Variants in HS2ST1 observed in about 807,000 individuals in gnomAD.
HS2ST1 encodes 2-O-sulfotransferase.
A neutral mutation model predicts 42.9 loss-of-function variants in HS2ST1; 18 were observed. That is an observed-to-expected ratio of 0.42 (90% CI 0.29 to 0.62). HS2ST1 has a LOEUF of 0.62. Among genes scored for constraint, HS2ST1 ranks in the 20% least tolerant of loss-of-function variants. The pLI is 0.21. For synonymous variants in HS2ST1, 146 were observed against 152.9 expected, an observed-to-expected ratio of 0.95 and a Z score of 0.33; for missense variants, 334 against 433.8, an observed-to-expected ratio of 0.77 and a Z score of 2.04.
At position 87,104,861 on chromosome 1, in the gene HS2ST1, A is replaced by C; in HGVS notation, c.*165A>C. 1.8e-6 allele frequency: 1 copy of C among 557,924 alleles called. No homozygotes were observed. The highest frequency in any genetic ancestry group is 3.2e-6 in the Non-Finnish European group (1 of 315,706). 34.6% of individuals were successfully genotyped at this position (557,924 alleles called of 1,614,324 possible). A position where few individuals can be genotyped will look rare whatever the true frequency, so the allele number is the denominator to read the frequency against. On this transcript the variant is annotated 3_prime_UTR_variant, in exon 7 of 7. Transcript: ENST00000370550. ...GTCAAGGAAGTAGATACTGGCTGGC[A>C]TTGTCAGTGTTCTAAGTTTCAGGCA...
At chr1:87,083,519 A>G (rs1398522822) in intron 2 of HS2ST1, among the ~76,000 whole-genome samples, 1 of 152,200 alleles carries the variant, frequency 6.6e-6, no homozygotes, top group Middle Eastern at 3.2e-3. Context: ...ATCAAATTCT[A>G]TATTAACCAG....
intron 1 of HS2ST1, among the ~76,000 whole-genome samples, chr1:86,986,407 G>A (rs994012540): frequency 1.3e-5 from 2 of 152,082 alleles, no homozygotes; most frequent in African/African-American, 4.8e-5. Flanking sequence ...CCAGTCTTCC[G>A]ATTCTCTCAC....
intron 2 of HS2ST1, 46 bp from the exon 3 acceptor site, chr1:87,084,148 T>A: frequency 1.6e-6 from 2 of 1,234,440 alleles, no homozygotes; most frequent in Non-Finnish European, 2.3e-6. Flanking sequence ...TCATCAAATT[T>A]CATTTTCTTT....
In HS2ST1 at chr1:86,964,203, A is replaced by T. The variant is rs1422330118; in HGVS notation, c.124+49043A>T. Among the ~76,000 whole-genome samples the T allele has an allele frequency of 2.1e-3, 318 of 150,642 alleles. 11 individuals carry two copies. The highest frequency in any genetic ancestry group is 0.021 in the Admixed American group (317 of 15,184). ...CTCACTTCCCAGACGATGGGCGGCC[A>T]GGCAAAGACACTCCTCACTTCCCAG... On this transcript the variant is annotated intron_variant, in intron 1 of 6. Coordinates refer to ENST00000370550, the MANE Select transcript of HS2ST1 (RefSeq NM_012262.4).
intron 1 of HS2ST1, among the ~76,000 whole-genome samples, chr1:87,009,632 G>A (rs1363719240): frequency 6.6e-6 from 1 of 152,138 alleles, no homozygotes; most frequent in Non-Finnish European, 1.5e-5. Context: ...ATTTGTTCTC[G>A]TTTACTGTGT....
chr1:86,966,691 A>G (rs887268354), intron 1 of HS2ST1, among the ~76,000 whole-genome samples: 1 of 152,234 alleles, frequency 6.6e-6, no homozygotes, highest in African/African-American at 2.4e-5. Context: ...GATCCTAACC[A>G]TTGAAACCTC....
chr1:87,020,951 G>A (rs1285539985), intron 1 of HS2ST1, among the ~76,000 whole-genome samples: 5 of 152,052 alleles, frequency 3.3e-5, no homozygotes, highest in Non-Finnish European at 7.4e-5. Context: ...CATTCTATAG[G>A]TACATCAGTT....
intron 1 of HS2ST1, among the ~76,000 whole-genome samples, chr1:87,033,630 G>A (rs1050516724): frequency 6.6e-6 from 1 of 152,024 alleles, no homozygotes; most frequent in Non-Finnish European, 1.5e-5. Context: ...TGCAACCTCC[G>A]CCTTCCGGGT....
At chr1:87,051,061 T>C (rs1456631776) in intron 1 of HS2ST1, among the ~76,000 whole-genome samples, 3 of 152,296 alleles carry the variant, frequency 2.0e-5, no homozygotes, top group East Asian at 3.9e-4. Flanking sequence ...CTGTCTCCCA[T>C]ATGGTTTAAT....
At chr1:87,095,971 T>C (rs1343576774) in intron 4 of HS2ST1, among the ~76,000 whole-genome samples, 1 of 151,758 alleles carries the variant, frequency 6.6e-6, no homozygotes, top group Non-Finnish European at 1.5e-5. Context: ...GTTTTCTTTT[T>C]TTTTTTTTTT....
intron 1 of HS2ST1, among the ~76,000 whole-genome samples, chr1:86,985,368 G>GTATATATATATATATATATATA (rs1553135008): frequency 3.7e-5 from 1 of 26,914 alleles, no homozygotes; most frequent in African/African-American, 8.1e-5. Context: ...AAAAAAAAAA[G>GTATATATATATATATATATATA]TATATATATA....
chr1:87,087,181 A>G (rs891324014), intron 3 of HS2ST1, among the ~76,000 whole-genome samples: 2 of 152,066 alleles, frequency 1.3e-5, no homozygotes, highest in African/African-American at 4.8e-5. Flanking sequence ...ATTTTCTTCA[A>G]ACTTTAGAAA....
intron 1 of HS2ST1, among the ~76,000 whole-genome samples, chr1:87,038,310 C>T (rs1282022597): frequency 6.6e-6 from 1 of 152,026 alleles, no homozygotes; most frequent in East Asian, 1.9e-4. Flanking sequence ...ATTTTAAGTA[C>T]ATGCCATATT....
intron 1 of HS2ST1, among the ~76,000 whole-genome samples, chr1:87,071,817 G>A (rs929479567): frequency 2.6e-5 from 4 of 152,020 alleles, no homozygotes; most frequent in Non-Finnish European, 5.9e-5. Context: ...TAAAGGTTGG[G>A]TGGGGAAATG....
In HS2ST1 at chr1:87,006,285, T is replaced by C. The variant is rs532482578; in HGVS notation, c.125-66649T>C. On this transcript the variant is annotated intron_variant, in intron 1 of 6. Transcript: ENST00000370550. ...ATGACCCACTCAGCTTATTTTTTGT[T>C]GCCAAAAGGTTCAAAAGAAGACATT... Among the ~76,000 whole-genome samples the C allele has an allele frequency of 7.9e-5, 12 of 152,272 alleles. No homozygotes were observed. In the South Asian group the frequency reaches 2.3e-3, roughly 29 times the overall value.
chr1:87,075,757 A>C (rs1405944848), intron 2 of HS2ST1, among the ~76,000 whole-genome samples: 1 of 152,046 alleles, frequency 6.6e-6, no homozygotes, highest in African/African-American at 2.4e-5. Context: ...TACCTGCTTA[A>C]TTATTTGTCT....
intron 1 of HS2ST1, among the ~76,000 whole-genome samples, chr1:86,984,530 T>C (rs1349674504): frequency 6.6e-6 from 1 of 152,220 alleles, no homozygotes; most frequent in Non-Finnish European, 1.5e-5. Context: ...ATTTAAGATA[T>C]GCTGAGCTTA....
chr1:86,937,331 G>C (rs1178776575), intron 1 of HS2ST1, among the ~76,000 whole-genome samples: 1 of 152,056 alleles, frequency 6.6e-6, no homozygotes, highest in Non-Finnish European at 1.5e-5. Flanking sequence ...ATTTACCTAG[G>C]TGGATATGGA....
chr1:86,988,110 T>A (rs1487353431), intron 1 of HS2ST1, among the ~76,000 whole-genome samples: 1 of 152,200 alleles, frequency 6.6e-6, no homozygotes, highest in Non-Finnish European at 1.5e-5. Context: ...TTCAGTTACA[T>A]CAAGAAGATG....
Sources: allele counts gnomAD v4.1 joint callset (sites outside exome capture counted in the v4.1 genomes callset), GRCh38; gene constraint gnomAD v4.1.1; transcripts MANE v1.5; gene names NCBI Gene and HGNC (gene_info 2026-07-23, HGNC 2026-07-21).